Variants in CAB39L observed in about 807,000 individuals in gnomAD.
CAB39L encodes the protein calcium binding protein 39 like.
In CAB39L, 23 loss-of-function variants were observed where a neutral mutation model predicts 39.1. The observed-to-expected ratio is 0.59, with a 90% confidence interval of 0.42 to 0.83. CAB39L has a LOEUF of 0.83. Among genes scored for constraint, CAB39L ranks in the 40% least tolerant of loss-of-function variants. The pLI is 0.00. For missense variants in CAB39L, 366 were observed against 391.9 expected, an observed-to-expected ratio of 0.93 and a Z score of 0.56; for synonymous variants, 126 against 137.2, an observed-to-expected ratio of 0.92 and a Z score of 0.57.
Position 49,346,122 on chromosome 13 carries a change from T to TATATATATATATATATATATATA in CAB39L, c.565-1885_565-1884insTATATATATATATATATATATAT, listed in dbSNP as rs1566079395. ...CTAGATATATATATATATATATATA[T>TATATATATATATATATATATATA]ATCATGGATACAGCCAATAAACAAT... On this transcript the variant is annotated intron_variant, in intron 7 of 10. Coordinates refer to ENST00000409308, the MANE Select transcript of CAB39L (RefSeq NM_001079670.3). 2.5e-5 allele frequency among the ~76,000 whole-genome samples: 3 copies of TATATATATATATATATATATATA among 118,862 alleles called. No homozygotes were observed. In the East Asian group the frequency reaches 8.5e-4, roughly 34 times the overall value. 78.0% of individuals were successfully genotyped at this position (118,862 alleles called of 152,430 possible).
At chr13:49,402,060 G>C (rs1380249146) in intron 3 of CAB39L, among the ~76,000 whole-genome samples, 1 of 152,032 alleles carries the variant, frequency 6.6e-6, no homozygotes, top group Admixed American at 6.6e-5. Flanking sequence ...AAATTATAAA[G>C]AACATAGAAA....
chr13:49,397,318 T>C (rs1001270111), intron 3 of CAB39L, among the ~76,000 whole-genome samples: 1 of 152,124 alleles, frequency 6.6e-6, no homozygotes, highest in African/African-American at 2.4e-5. Flanking sequence ...ATAAGTTTTA[T>C]TAACCAAATT....
At chr13:49,352,440 G>T (rs1955382619) in intron 6 of CAB39L, among the ~76,000 whole-genome samples, 1 of 151,832 alleles carries the variant, frequency 6.6e-6, no homozygotes, top group African/African-American at 2.4e-5. Context: ...GAAGTGAGCA[G>T]AATATAGGGC....
At chr13:49,417,839 A>C (rs1183142037) in intron 3 of CAB39L, among the ~76,000 whole-genome samples, 5 of 152,220 alleles carry the variant, frequency 3.3e-5, no homozygotes, top group African/African-American at 1.2e-4. Context: ...CCTGCAAGTC[A>C]TTATGCTAAA....
chr13:49,336,156 T>A (rs1443858408), intron 9 of CAB39L, among the ~76,000 whole-genome samples: 2 of 152,024 alleles, frequency 1.3e-5, no homozygotes, highest in African/African-American at 4.8e-5. Context: ...TAAACAATAT[T>A]TAATGAGCTC....
At chr13:49,411,521 G>A (rs1261670901) in intron 3 of CAB39L, among the ~76,000 whole-genome samples, 2 of 151,038 alleles carry the variant, frequency 1.3e-5, no homozygotes, top group African/African-American at 2.4e-5. Flanking sequence ...CCAGGCATAC[G>A]TAGATGTATG....
At chr13:49,434,445 T>C (rs1044832247) in intron 1 of CAB39L, among the ~76,000 whole-genome samples, 1 of 152,300 alleles carries the variant, frequency 6.6e-6, no homozygotes, top group South Asian at 2.1e-4. Flanking sequence ...ACAAACTCTA[T>C]TATGTTAGCT....
chr13:49,430,891 C>T (rs1957311814), intron 3 of CAB39L, among the ~76,000 whole-genome samples: 3 of 152,226 alleles, frequency 2.0e-5, no homozygotes, highest in South Asian at 4.1e-4. Flanking sequence ...CACTGAAAGG[C>T]TTAATAGTCA....
At chr13:49,315,579 A>C (rs1296084341) in intron 10 of CAB39L, among the ~76,000 whole-genome samples, 2 of 152,174 alleles carry the variant, frequency 1.3e-5, no homozygotes, top group African/African-American at 4.8e-5. Context: ...ATAGCTATAA[A>C]TGCCTACATT....
intron 9 of CAB39L, among the ~76,000 whole-genome samples, chr13:49,336,616 T>C (rs756919951): frequency 1.3e-5 from 2 of 152,088 alleles, no homozygotes; most frequent in Admixed American, 1.3e-4. Flanking sequence ...TAGACTCCCA[T>C]TGAAAAAAAG....
At chr13:49,373,878 A>G (rs1955988383) in intron 5 of CAB39L, among the ~76,000 whole-genome samples, 1 of 152,236 alleles carries the variant, frequency 6.6e-6, no homozygotes, top group Admixed American at 6.5e-5. Flanking sequence ...AGTAGCTTAC[A>G]TAGATACTTT....
At chr13:49,386,284 ATCTGGTGATAAGCATTT>A (rs1197837110) in intron 3 of CAB39L, among the ~76,000 whole-genome samples, 1 of 152,160 alleles carries the variant, frequency 6.6e-6, no homozygotes, top group African/African-American at 2.4e-5. Context: ...TTCCATGTCA[ATCTGGTGATAAGCATTT>A]TCTGATTCAC....
At position 49,350,763 on chromosome 13, in the gene CAB39L, T is replaced by C; in HGVS notation, c.545A>G (p.Asp182Gly). The C allele has an allele frequency of 6.3e-7, 1 of 1,576,188 alleles. No individual in the cohort carries two copies. The highest frequency in any genetic ancestry group is 8.6e-7 in the Non-Finnish European group (1 of 1,161,648). The change falls in exon 7 of 11, where the codon GAT becomes GGT. Residue 182 changes from aspartate to glycine, a missense_variant. By Grantham distance (94) the Asp-to-Gly change is moderately conservative. Transcript: ENST00000409308. ...VELSTFDIAS[D>G]AFATFKDLLT... Reference sequence around the variant, plus strand: ...AATTACCTTGAAAGTAGCAAAGGCATCTGAAGCAATATCAAATGTTGACAA... The same window carrying C: ...AATTACCTTGAAAGTAGCAAAGGCACCTGAAGCAATATCAAATGTTGACAA...
At chr13:49,414,282 T>C (rs1957043802) in intron 3 of CAB39L, 1 of 152,182 alleles carries the variant, frequency 6.6e-6, no homozygotes, top group South Asian at 2.1e-4. Context: ...TAAAATTAAA[T>C]AAGAACTAGA....
intron 10 of CAB39L, among the ~76,000 whole-genome samples, chr13:49,317,695 A>C (rs1424121375): frequency 9.2e-5 from 14 of 152,244 alleles, no homozygotes. Context: ...GTAAATTTTC[A>C]TAATGTTGGA....
intron 6 of CAB39L, among the ~76,000 whole-genome samples, chr13:49,355,437 T>A (rs1373631295): frequency 6.6e-6 from 1 of 151,976 alleles, no homozygotes; most frequent in East Asian, 1.9e-4. Flanking sequence ...CTAGAAGCAA[T>A]AACAATCCAA....
rs189688366 is a variant in CAB39L, at chr13:49,322,149, C to T, written c.834+9798G>A. ...CCCATTAGCAGTCGCCCGCCCCCTC[C>T]GCACCCCAACATGCTCCCAGCTCTA... On this transcript the variant is annotated intron_variant, in intron 10 of 10. Transcript: ENST00000409308. Among the ~76,000 whole-genome samples the T allele has an allele frequency of 7.2e-5, 11 of 152,266 alleles. No individual in the cohort carries two copies. In the East Asian group the frequency reaches 1.9e-3, roughly 27 times the overall value.
rs7322221 is a variant in CAB39L at position 49,321,555 on chromosome 13, G to A, written c.834+10392C>T. Among the ~76,000 whole-genome samples the A allele has an allele frequency of 1.6e-3, 247 of 152,202 alleles. 1 individual carries two copies. Among genetic ancestry groups the A allele is most frequent in the African/African-American group, 5.2e-3 (216 of 41,516 alleles). ...CCACTAGGCTGTGTGTGCAGCGTGC[G>A]CCTTCCGGGCTGTGCTGGGTGCTTC... On this transcript the variant is annotated intron_variant, in intron 10 of 10. Transcript: ENST00000409308.
chr13:49,346,100 G>GATATATATAT lies in CAB39L; in HGVS notation c.565-1872_565-1863dup, dbSNP rs370368670. ...GATATATATATATATATATATGCTA[G>GATATATATAT]ATATATATATATATATATATATATC... On this transcript the variant is annotated intron_variant, in intron 7 of 10. Transcript: ENST00000409308. Among the ~76,000 whole-genome samples the GATATATATAT allele has an allele frequency of 2.3e-3, 71 of 30,900 alleles. 7 individuals carry two copies. The highest frequency in any genetic ancestry group is 9.7e-3 in the South Asian group (10 of 1,026). The allele number at this position is 30,900 out of a possible 152,430, so 20.3% of individuals were successfully genotyped here. A position where few individuals can be genotyped will look rare whatever the true frequency, so the allele number is the denominator to read the frequency against.
Sources: allele counts gnomAD v4.1 joint callset (sites outside exome capture counted in the v4.1 genomes callset), GRCh38; gene constraint gnomAD v4.1.1; transcripts MANE v1.5; gene names NCBI Gene and HGNC (gene_info 2026-07-23, HGNC 2026-07-21).